GSR: variants seen among roughly 807,000 people sequenced by gnomAD.
GSR encodes glutathione-disulfide reductase.
In GSR, 48 loss-of-function variants were observed where a neutral mutation model predicts 56.5. That is an observed-to-expected ratio of 0.85 (90% CI 0.67 to 1.08). The LOEUF (loss-of-function observed/expected upper bound fraction) is 1.08. Ranked by LOEUF, GSR falls within the 50% of genes least tolerant of loss-of-function variation. The pLI, the probability that GSR is intolerant of heterozygous loss-of-function variation, is 0.00. For missense variants in GSR, 694 were observed against 703.3 expected, an observed-to-expected ratio of 0.99 and a Z score of 0.15; for synonymous variants, 264 against 270.8, an observed-to-expected ratio of 0.97 and a Z score of 0.25.
chr8:30,693,703 A>G (rs562004965), intron 7 of GSR, among the ~76,000 whole-genome samples: 3 of 152,126 alleles, frequency 2.0e-5, no homozygotes, highest in South Asian at 4.1e-4. Context: ...TAACTTTTCT[A>G]TTTTTAGTAG....
chr8:30,720,671 G>A (rs80070607), intron 1 of GSR, among the ~76,000 whole-genome samples: 191 of 148,460 alleles, frequency 1.3e-3, no homozygotes, highest in Non-Finnish European at 1.3e-3. Flanking sequence ...GAGAAAAAGA[G>A]AAAAAAAAAA....
At chr8:30,693,205 T>C (rs1317847266) in intron 7 of GSR, 150 bp from the exon 8 acceptor site, 1 of 682,456 alleles carries the variant, frequency 1.5e-6, no homozygotes, top group Non-Finnish European at 2.7e-6. Flanking sequence ...TATTAATAAA[T>C]TCCCTATTTT....
chr8:30,695,012 A>G (rs886506993), intron 7 of GSR, among the ~76,000 whole-genome samples: 2 of 151,772 alleles, frequency 1.3e-5, no homozygotes, highest in African/African-American at 4.8e-5. Context: ...GCAGTGAGCT[A>G]TGATCATGCC....
chr8:30,693,034 T>C lies in GSR; in HGVS notation c.817A>G (p.Met273Val), dbSNP rs1234403080. 1 of 1,611,318 alleles carries C rather than the reference T, an allele frequency of 6.2e-7. No individual in the cohort carries two copies. Among genetic ancestry groups the C allele is most frequent in the Non-Finnish European group, 8.5e-7 (1 of 1,177,854 alleles). The change falls in exon 8 of 13, where the codon ATG becomes GTG. Residue 273 changes from methionine (M) to valine (V), a missense_variant. Met to Val is a conservative substitution (Grantham distance 21, BLOSUM62 1). Transcript: ENST00000221130. The stretch of plus-strand genomic sequence containing the variant: ...TCCTCCGTGCAGTTGGTGCTGATCA[T>C]TGAATCAAAACTTCTAAGTACCTGC... ...HDKVLRSFDS[M>V]ISTNCTEELE...
intron 11 of GSR, among the ~76,000 whole-genome samples, chr8:30,681,450 C>G (rs1802954113): frequency 6.6e-6 from 1 of 151,800 alleles, no homozygotes; most frequent in East Asian, 1.9e-4. Flanking sequence ...TGCTTGAACC[C>G]AGAGGCGGAG....
In GSR at chr8:30,681,991, A is replaced by G; in HGVS notation, c.1224T>C (p.Tyr408=). 6.2e-7 allele frequency: 1 copy of G among 1,613,430 alleles called. No individual in the cohort carries two copies. Among genetic ancestry groups the G allele is most frequent in the South Asian group, 1.1e-5 (1 of 91,064 alleles). The part of the protein sequence containing the change: ...FEYKEDSKLD[Y]NNIPTVVFSH... ...TGAAGACCACAGTTGGGATGTTGTT[A>G]TAATCTAATTTGGAATCTTCCTTAT... The change falls in exon 11 of 13, where the codon TAT becomes TAC. Residue 408 remains tyrosine (Y), a synonymous_variant. Transcript: ENST00000221130.
At chr8:30,701,114 T>G (rs542177196) in intron 5 of GSR, among the ~76,000 whole-genome samples, 1 of 152,184 alleles carries the variant, frequency 6.6e-6, no homozygotes, top group South Asian at 2.1e-4. Context: ...AAGCCTTCAG[T>G]TGTCAACTGC....
intron 9 of GSR, among the ~76,000 whole-genome samples, chr8:30,686,783 T>A (rs1013329962): frequency 1.3e-5 from 2 of 152,004 alleles, no homozygotes; most frequent in African/African-American, 2.4e-5. Context: ...TCTTGAAAGG[T>A]GAAAAGCTGA....
At chr8:30,705,042 G>A (rs1014513252) in intron 4 of GSR, among the ~76,000 whole-genome samples, 16 of 151,514 alleles carry the variant, frequency 1.1e-4, no homozygotes, top group African/African-American at 3.9e-4. Context: ...ATAAGCTATA[G>A]TACACACCAA....
intron 7 of GSR, among the ~76,000 whole-genome samples, chr8:30,693,722 T>C (rs1803462906): frequency 6.6e-6 from 1 of 152,042 alleles, no homozygotes; most frequent in South Asian, 2.1e-4. Context: ...AGAGACGGGG[T>C]TTCGCCATGT....
At chr8:30,690,757 A>C (rs1360422032) in intron 8 of GSR, among the ~76,000 whole-genome samples, 1 of 152,178 alleles carries the variant, frequency 6.6e-6, no homozygotes, top group Non-Finnish European at 1.5e-5. Flanking sequence ...CAAAATTCAA[A>C]GGGTATGATT....
At chr8:30,681,665 A>C (rs1802964765) in intron 11 of GSR, among the ~76,000 whole-genome samples, 1 of 152,188 alleles carries the variant, frequency 6.6e-6, no homozygotes, top group Non-Finnish European at 1.5e-5. Context: ...TATTATTTTT[A>C]GAGCTTTTCT....
chr8:30,679,076 G>A lies in GSR; in HGVS notation c.*444C>T, dbSNP rs1283780376. 6.1e-6 allele frequency: 1 copy of A among 164,188 alleles called. No homozygotes were observed. The highest frequency in any genetic ancestry group is 1.3e-5 in the Non-Finnish European group (1 of 76,650). The allele number at this position is 164,188 out of a possible 1,614,324, so 10.2% of individuals were successfully genotyped here. On this transcript the variant is annotated 3_prime_UTR_variant, in exon 13 of 13. Transcript: ENST00000221130. Reference sequence around the variant, plus strand: ...AGGCAGGAGAATCACTTGAACCCAGGAGGCAGAGGTTGTGGTGAGCTGAAA... The same window carrying A: ...AGGCAGGAGAATCACTTGAACCCAGAAGGCAGAGGTTGTGGTGAGCTGAAA...
At chr8:30,693,624 A>G (rs1392108746) in intron 7 of GSR, among the ~76,000 whole-genome samples, 1 of 151,684 alleles carries the variant, frequency 6.6e-6, no homozygotes, top group African/African-American at 2.4e-5. Flanking sequence ...CGCCTCCTGG[A>G]TTCAAGCAAT....
chr8:30,684,064 C>T (rs1803046449), intron 10 of GSR, 24 bp downstream of exon 10: 2 of 1,187,450 alleles, frequency 1.7e-6, no homozygotes, highest in African/African-American at 1.5e-5. Context: ...GACCCTCCCT[C>T]ACCAAGAAGG....
At chr8:30,693,176 G>A (rs1803444762) in intron 7 of GSR, 121 bp from the exon 8 acceptor site, 9 of 712,780 alleles carry the variant, frequency 1.3e-5, no homozygotes, top group Admixed American at 2.0e-5. Context: ...CCTTACTTAT[G>A]GCCATATTGG....
chr8:30,703,265 C>A, intron 4 of GSR, 25 bp from the exon 5 acceptor site: 1 of 1,609,658 alleles, frequency 6.2e-7, no homozygotes, highest in South Asian at 1.1e-5. Flanking sequence ...ATGACATTAG[C>A]CTGTTCTTAG....
intron 1 of GSR, among the ~76,000 whole-genome samples, chr8:30,721,431 A>T (rs1804531288): frequency 6.6e-6 from 1 of 152,112 alleles, no homozygotes. Flanking sequence ...TGGGCGGATC[A>T]CTTGAAGTCA....
chr8:30,683,420 A>G (rs1803023928), intron 10 of GSR, among the ~76,000 whole-genome samples: 1 of 152,130 alleles, frequency 6.6e-6, no homozygotes, highest in Non-Finnish European at 1.5e-5. Context: ...AGAGCTTGCA[A>G]TGGTGCTTAG....
Sources: gnomAD v4.1 joint callset for allele counts (sites outside exome capture counted in the v4.1 genomes callset) on GRCh38, gnomAD v4.1.1 for gene constraint, MANE v1.5 for transcripts, NCBI Gene and HGNC (gene_info 2026-07-23, HGNC 2026-07-21) for gene names.